The following ADAMTSL1 variants were observed in gnomAD, a reference collection of about 807,000 sequenced individuals.
The protein encoded by ADAMTSL1 is ADAMTS like 1, also known as ADAMTS-like protein 1.
ADAMTSL1 carries 126 observed loss-of-function variants against 201.8 expected under a neutral mutation model. The ratio of observed to expected loss-of-function variants is 0.62; its 90% CI spans 0.54 to 0.72. The LOEUF (loss-of-function observed/expected upper bound fraction) is 0.72, where lower values mean the gene tolerates loss of function less well. ADAMTSL1 is among the 30% of genes least tolerant of loss of function. The pLI is 0.00. For synonymous variants in ADAMTSL1, 1,121 were observed against 903.4 expected (o/e 1.24, Z -4.32); for missense variants, 2,679 against 2,277.8 (o/e 1.18, Z -3.59).
intron 2 of ADAMTSL1, among the ~76,000 whole-genome samples, chr9:18,345,716 A>G (rs1458297965): frequency 6.6e-6 from 1 of 152,130 alleles, no homozygotes; most frequent in Non-Finnish European, 1.5e-5. Flanking sequence ...CTCAGGGCAG[A>G]TGGGAAAGGG....
chr9:18,700,542 T>C (rs915251921), intron 13 of ADAMTSL1, among the ~76,000 whole-genome samples: 3 of 152,196 alleles, frequency 2.0e-5, no homozygotes, highest in Non-Finnish European at 4.4e-5. Context: ...CACTTTATCC[T>C]AAGGTTTTTA....
At chr9:18,145,347 G>A (rs1826594957) in intron 1 of ADAMTSL1, among the ~76,000 whole-genome samples, 1 of 152,118 alleles carries the variant, frequency 6.6e-6, no homozygotes, top group South Asian at 2.1e-4. Context: ...TATTTGACAG[G>A]TTCTACATGT....
At chr9:18,176,790 A>G (rs1159466822) in intron 2 of ADAMTSL1, among the ~76,000 whole-genome samples, 1 of 152,146 alleles carries the variant, frequency 6.6e-6, no homozygotes, top group Non-Finnish European at 1.5e-5. Flanking sequence ...AACTGTTGGG[A>G]TATTTTTGTT....
intron 1 of ADAMTSL1, among the ~76,000 whole-genome samples, chr9:18,153,705 C>T (rs774461934): frequency 1.1e-4 from 17 of 151,994 alleles, no homozygotes; most frequent in African/African-American, 2.9e-4. Context: ...AAAGTCATTA[C>T]GCTTAGAATT....
rs142843424 is a variant in ADAMTSL1 at position 18,353,391 on chromosome 9, T to C, written c.208-151438T>C. Among the ~76,000 whole-genome samples, 389 of 152,320 alleles carry C rather than the reference T, an allele frequency of 2.6e-3. 3 individuals are homozygous for C. Among genetic ancestry groups the C allele is most frequent in the South Asian group, 0.013 (62 of 4,822 alleles). On this transcript the variant is annotated intron_variant, in intron 2 of 29. Coordinates refer to the ADAMTSL1 transcript ENST00000680146. ...CTAGCACAACTTACTGAAGAATTTA[T>C]TCCCACATGAACTGGATCAATAACT...
At chr9:18,392,428 G>A (rs189024173) in intron 2 of ADAMTSL1, among the ~76,000 whole-genome samples, 1 of 152,182 alleles carries the variant, frequency 6.6e-6, no homozygotes, top group South Asian at 2.1e-4. Context: ...GCATCTTAGT[G>A]CCTGCTCTCC....
intron 1 of ADAMTSL1, among the ~76,000 whole-genome samples, chr9:18,500,701 C>A (rs897477560): frequency 1.3e-5 from 2 of 152,142 alleles, no homozygotes; most frequent in African/African-American, 4.8e-5. Flanking sequence ...TCATCCAATG[C>A]CTGTAAAGTA....
At chr9:18,485,565 G>A (rs539184214) in intron 1 of ADAMTSL1, among the ~76,000 whole-genome samples, 2 of 152,202 alleles carry the variant, frequency 1.3e-5, no homozygotes, top group Non-Finnish European at 1.5e-5. Context: ...TGGGAGGGAT[G>A]CTGGCATTTT....
At chr9:18,609,721 CT>C (rs771374493) in intron 4 of ADAMTSL1, among the ~76,000 whole-genome samples, 11 of 152,046 alleles carry the variant, frequency 7.2e-5, no homozygotes, top group African/African-American at 2.2e-4. Flanking sequence ...TATCCCCCCC[CT>C]AAAATAATCA....
intron 22 of ADAMTSL1, among the ~76,000 whole-genome samples, chr9:18,828,660 T>TATATACATATATATA (rs1554643932): frequency 3.5e-5 from 1 of 28,532 alleles, no homozygotes; most frequent in Admixed American, 2.9e-4. Context: ...GAAAGTATAT[T>TATATACATATATATA]TATATATATA....
chr9:17,936,526 A>G (rs1383427839), intron 1 of ADAMTSL1, among the ~76,000 whole-genome samples: 1 of 152,164 alleles, frequency 6.6e-6, no homozygotes, highest in Non-Finnish European at 1.5e-5. Context: ...AGGTTGAACC[A>G]GTTGATCTCT....
intron 2 of ADAMTSL1, among the ~76,000 whole-genome samples, chr9:18,244,197 A>G (rs932343197): frequency 5.3e-5 from 8 of 151,886 alleles, no homozygotes; most frequent in Non-Finnish European, 1.2e-4. Context: ...GAAAGGGTGC[A>G]TTATCACCTG....
At chr9:18,389,185 C>CTTT (rs74865114) in intron 2 of ADAMTSL1, among the ~76,000 whole-genome samples, 1 of 145,356 alleles carries the variant, frequency 6.9e-6, no homozygotes, top group Non-Finnish European at 1.5e-5. Context: ...ATTTCTACCT[C>CTTT]TTTTTTTTTT....
intron 2 of ADAMTSL1, among the ~76,000 whole-genome samples, chr9:18,328,569 G>A (rs953602175): frequency 1.3e-5 from 2 of 152,206 alleles, no homozygotes; most frequent in East Asian, 3.8e-4. Context: ...ATACCCAGAA[G>A]GGATAGAGAA....
intron 2 of ADAMTSL1, among the ~76,000 whole-genome samples, chr9:18,195,699 G>A (rs1196799117): frequency 6.6e-6 from 1 of 152,136 alleles, no homozygotes; most frequent in Non-Finnish European, 1.5e-5. Context: ...AAAGCAATTT[G>A]TTTACAAGCA....
intron 3 of ADAMTSL1, 109 bp from the exon 4 acceptor site, chr9:18,573,921 G>A (rs1485952011): frequency 1.2e-5 from 9 of 778,406 alleles, no homozygotes; most frequent in Non-Finnish European, 1.3e-5. Context: ...TCATGACCAG[G>A]ACATTTGTTT....
intron 7 of ADAMTSL1, among the ~76,000 whole-genome samples, chr9:18,646,131 A>G (rs1252219416): frequency 6.6e-6 from 1 of 151,416 alleles, no homozygotes; most frequent in Non-Finnish European, 1.5e-5. Context: ...ATTCCTAGGT[A>G]TTTTATTCTT....
chr9:18,826,047 A>T, intron 21 of ADAMTSL1: 1 of 599,838 alleles, frequency 1.7e-6, no homozygotes, highest in Non-Finnish European at 3.0e-6. Context: ...AGATCTGGAG[A>T]CAACTGAGAT....
At chr9:18,688,911 G>A (rs868101220) in intron 13 of ADAMTSL1, among the ~76,000 whole-genome samples, 21 of 151,034 alleles carry the variant, frequency 1.4e-4, no homozygotes, top group African/African-American at 4.1e-4. Context: ...TAGAAAAGGG[G>A]GGATGGGAAA....
Sources: gnomAD v4.1 joint callset for allele counts (sites outside exome capture counted in the v4.1 genomes callset) on GRCh38, gnomAD v4.1.1 for gene constraint, MANE v1.5 for transcripts, NCBI Gene and HGNC (gene_info 2026-07-23, HGNC 2026-07-21) for gene names.